The following SOS1 variants were observed in gnomAD, a reference collection of about 807,000 sequenced individuals.
The protein encoded by SOS1 is son of sevenless homolog 1.
SOS1 carries 25 observed loss-of-function variants against 157.6 expected under a neutral mutation model. The observed-to-expected ratio is 0.16, with a 90% CI of 0.12 to 0.22. The LOEUF (loss-of-function observed/expected upper bound fraction) is 0.22. SOS1 is among the 10% of genes least tolerant of loss of function. The probability of loss-of-function intolerance (pLI) is 1.00; values close to 1 mark genes in which losing one functional copy is unlikely to be tolerated. For missense variants in SOS1, 1,237 were observed against 1,599.1 expected, an observed-to-expected ratio of 0.77 and a Z score of 3.86; for synonymous variants, 528 against 534.0, an observed-to-expected ratio of 0.99 and a Z score of 0.16.
intron 1 of SOS1, among the ~76,000 whole-genome samples, chr2:39,105,289 TA>T (rs1222587493): frequency 1.3e-5 from 2 of 151,756 alleles, no homozygotes; most frequent in African/African-American, 4.8e-5. Flanking sequence ...AATCCTGAAC[TA>T]TTTTTTTTTT....
intron 20 of SOS1, chr2:38,993,002 A>C (rs1348805595): frequency 6.6e-6 from 1 of 151,864 alleles, no homozygotes; most frequent in East Asian, 1.9e-4. Flanking sequence ...TTGGAAGGTT[A>C]AGGCAGGAGG....
chr2:39,111,857 A>T (rs79756054), intron 1 of SOS1, among the ~76,000 whole-genome samples: 1 of 151,518 alleles, frequency 6.6e-6, no homozygotes, highest in African/African-American at 2.4e-5. Context: ...AGCCTCCCGA[A>T]CAGCTGGGAC....
intron 1 of SOS1, among the ~76,000 whole-genome samples, chr2:39,077,225 C>A (rs527761661): frequency 6.6e-6 from 1 of 151,632 alleles, no homozygotes; most frequent in South Asian, 2.1e-4. Context: ...CATCTGTAAT[C>A]TTAGCTACTT....
chr2:39,122,818 A>G (rs1373656015), upstream of SOS1, among the ~76,000 whole-genome samples: 1 of 151,934 alleles, frequency 6.6e-6, no homozygotes, highest in African/African-American at 2.4e-5. Flanking sequence ...TGCTGTGATT[A>G]CAAGCCTGAG....
chr2:39,111,995 G>A (rs1240725904), intron 1 of SOS1, among the ~76,000 whole-genome samples: 3 of 151,710 alleles, frequency 2.0e-5, no homozygotes, highest in Non-Finnish European at 4.4e-5. Context: ...CTCTATCTCT[G>A]GAATCTTAAA....
intron 1 of SOS1, among the ~76,000 whole-genome samples, chr2:39,081,477 G>A (rs898132787): frequency 6.7e-5 from 10 of 150,290 alleles, no homozygotes; most frequent in African/African-American, 2.2e-4. Context: ...CCGAGATCGC[G>A]CCACTGCATT....
chr2:39,068,259 T>A (rs879658715), intron 1 of SOS1, among the ~76,000 whole-genome samples: 1 of 152,222 alleles, frequency 6.6e-6, no homozygotes, highest in East Asian at 1.9e-4. Flanking sequence ...CCAGTTTACC[T>A]AACTAAATAA....
At chr2:39,088,910 C>A (rs558673837) in intron 1 of SOS1, among the ~76,000 whole-genome samples, 1 of 152,002 alleles carries the variant, frequency 6.6e-6, no homozygotes, top group East Asian at 1.9e-4. Context: ...GAAGCTATAC[C>A]ATTTTAGATT....
chr2:39,067,799 T>G, intron 1 of SOS1, 46 bp from the exon 2 acceptor site: 1 of 1,574,730 alleles, frequency 6.4e-7, no homozygotes, highest in Non-Finnish European at 8.7e-7. Flanking sequence ...TCCATATCAT[T>G]AAACAAATTT....
At chr2:39,053,613 G>T (rs1671098042) in intron 5 of SOS1, among the ~76,000 whole-genome samples, 1 of 152,026 alleles carries the variant, frequency 6.6e-6, no homozygotes, top group Non-Finnish European at 1.5e-5. Context: ...CCCAATCCCA[G>T]CCTCTGTAGT....
At chr2:39,007,222 GT>G in intron 15 of SOS1, 29 bp from the exon 16 acceptor site, 1 of 1,374,702 alleles carries the variant, frequency 7.3e-7, no homozygotes, top group Non-Finnish European at 1.0e-6. Flanking sequence ...TGAACTAAAG[GT>G]TTTAGAGTTT....
intron 1 of SOS1, among the ~76,000 whole-genome samples, chr2:39,110,026 TTGTGTGTGTGTGCGTGTG>T (rs1431464256): frequency 7.4e-5 from 10 of 134,256 alleles, no homozygotes; most frequent in East Asian, 2.3e-4. Flanking sequence ...ACAGATACAG[TTGTGTGTGTGTGCGTGTG>T]TGTGTGTGTG....
chr2:39,069,792 C>T (rs1355137177), intron 1 of SOS1, among the ~76,000 whole-genome samples: 3 of 152,182 alleles, frequency 2.0e-5, no homozygotes, highest in Non-Finnish European at 4.4e-5. Context: ...AGGTGATCCA[C>T]CCGCCTTGGC....
chr2:39,115,402 C>CTTTTTTTTTTTTTTTTTTTTTTT (rs1558520809), intron 1 of SOS1, among the ~76,000 whole-genome samples: 2 of 99,556 alleles, frequency 2.0e-5, no homozygotes. Flanking sequence ...AATTTGTTCT[C>CTTTTTTTTTTTTTTTTTTTTTTT]TCTCTTTTTT....
At chr2:39,073,269 A>T (rs1427929362) in intron 1 of SOS1, among the ~76,000 whole-genome samples, 1 of 152,246 alleles carries the variant, frequency 6.6e-6, no homozygotes, top group Non-Finnish European at 1.5e-5. Context: ...TAAGCATTTC[A>T]AATTGGGACT....
rs1006801294 is a variant in SOS1, at chr2:39,062,155, T to A, written c.214-3351A>T. Among the ~76,000 whole-genome samples, 8 of 152,116 alleles carry A rather than the reference T, an allele frequency of 5.3e-5. No individual in the cohort carries two copies. The East Asian group carries it at 1.5e-3, about 29-fold the overall frequency. On this transcript the variant is annotated intron_variant, in intron 2 of 22. Transcript: ENST00000402219. ...GGACTTGGCTGGGCGTGGTGGCTCA[T>A]GCCTGTAATCCCAGCACTTTGGGAG... is the stretch of plus-strand genomic sequence containing the variant.
At chr2:39,123,353 CT>C (rs1211540543), upstream of SOS1, among the ~76,000 whole-genome samples, 2,315 of 141,550 alleles carry the variant, frequency 0.016, 20 homozygotes, top group African/African-American at 0.026. Context: ...GAGAAACAAT[CT>C]TTTTTTTTTT....
Position 38,982,685 on chromosome 2 carries a change from C to T in SOS1, c.*3139G>A, listed in dbSNP as rs1668438771. On this transcript the variant is annotated 3_prime_UTR_variant, in exon 23 of 23. Transcript: ENST00000402219. The stretch of plus-strand genomic sequence containing the variant: ...ACACTAATAAATTGGGACACTCCTC[C>T]TATTTTGCTGAGTCACTTAAAAATC... The T allele has an allele frequency of 1.3e-5, 2 of 152,110 alleles. No individual in the cohort carries two copies. The highest frequency in any genetic ancestry group is 1.3e-4 in the Admixed American group (2 of 15,258). 9.4% of individuals were successfully genotyped at this position (152,110 alleles called of 1,614,324 possible).
chr2:39,066,395 A>G (rs559826446), intron 2 of SOS1, among the ~76,000 whole-genome samples: 92 of 152,348 alleles, frequency 6.0e-4, no homozygotes, highest in African/African-American at 2.0e-3. Flanking sequence ...TGAAGTCATT[A>G]AAGTCAAACG....
Sources: gnomAD v4.1 joint callset for allele counts (sites outside exome capture counted in the v4.1 genomes callset) on GRCh38, gnomAD v4.1.1 for gene constraint, MANE v1.5 for transcripts, NCBI Gene and HGNC (gene_info 2026-07-23, HGNC 2026-07-21) for gene names.